The following PPM1B variants were observed in gnomAD, a reference collection of about 807,000 sequenced individuals.
PPM1B encodes the protein protein phosphatase, Mg2+/Mn2+ dependent 1B.
Under a neutral mutation model 43.0 loss-of-function variants are expected in PPM1B, and 22 were observed. The observed-to-expected ratio is 0.51, with a 90% CI of 0.37 to 0.73. The LOEUF is 0.73. Among genes scored for constraint, PPM1B ranks in the 30% least tolerant of loss-of-function variants. The pLI is 0.00. For missense variants in PPM1B, 632 were observed against 584.2 expected (o/e 1.08, Z -0.84); for synonymous variants, 217 against 197.9 (o/e 1.10, Z -0.81).
intron 1 of PPM1B, among the ~76,000 whole-genome samples, chr2:44,176,612 C>G (rs538467587): frequency 4.7e-4 from 72 of 152,274 alleles, no homozygotes; most frequent in South Asian, 2.1e-3. Context: ...TCTGTTCTTT[C>G]TATTGCTTTC....
Position 44,201,114 on chromosome 2 carries a change from A to T in PPM1B, c.-14-72A>T. On this transcript the variant is annotated intron_variant, in intron 1 of 5. Coordinates refer to ENST00000282412, the MANE Select transcript of PPM1B (RefSeq NM_002706.6). The surrounding 1 kb of genome is among the most constrained non-coding windows in gnomAD (Gnocchi z 5.4). ...AAATACTTGAGGTAGGAGTTACTAG[A>T]CTATAGAGGGAATATTGTACATACA... is the stretch of plus-strand genomic sequence containing the variant. 1 of 1,413,676 alleles carries T rather than the reference A, an allele frequency of 7.1e-7. No homozygotes were observed. The highest frequency in any genetic ancestry group is 9.5e-7 in the Non-Finnish European group (1 of 1,048,014). 87.6% of individuals were successfully genotyped at this position (1,413,676 alleles called of 1,614,324 possible). A position where few individuals can be genotyped will look rare whatever the true frequency, so the allele number is the denominator to read the frequency against.
At chr2:44,199,602 A>C (rs1668835234) in intron 1 of PPM1B, among the ~76,000 whole-genome samples, 1 of 152,232 alleles carries the variant, frequency 6.6e-6, no homozygotes, top group African/African-American at 2.4e-5. Context: ...ATAAAAATGT[A>C]CTTAGAACTA....
intron 5 of PPM1B, among the ~76,000 whole-genome samples, chr2:44,224,310 C>T (rs1670114272): frequency 6.6e-6 from 1 of 151,952 alleles, no homozygotes; most frequent in South Asian, 2.1e-4. Context: ...AAAAAATTAG[C>T]CGGGCGTGGT....
At chr2:44,172,872 G>C (rs970397106) in intron 1 of PPM1B, among the ~76,000 whole-genome samples, 2 of 152,190 alleles carry the variant, frequency 1.3e-5, no homozygotes, top group African/African-American at 4.8e-5. Context: ...GCACCAGTTT[G>C]CTCCAGCCTG....
intron 1 of PPM1B, among the ~76,000 whole-genome samples, chr2:44,198,265 A>G (rs994897552): frequency 2.0e-5 from 3 of 152,084 alleles, no homozygotes; most frequent in African/African-American, 4.8e-5. Flanking sequence ...GGTTCAAGCA[A>G]TTCTCCTGTC....
At chr2:44,178,599 G>T (rs1667708509) in intron 1 of PPM1B, among the ~76,000 whole-genome samples, 1 of 151,854 alleles carries the variant, frequency 6.6e-6, no homozygotes, top group Non-Finnish European at 1.5e-5. Flanking sequence ...TCCTGAAGTA[G>T]CTGGGATTAC....
intron 1 of PPM1B, among the ~76,000 whole-genome samples, chr2:44,193,582 T>C (rs896312543): frequency 3.5e-5 from 5 of 144,542 alleles, no homozygotes; most frequent in East Asian, 2.0e-4. Context: ...TTTCTTTTTT[T>C]TTTTTTTTTT....
At chr2:44,212,030 G>A (rs1162470150) in intron 3 of PPM1B, among the ~76,000 whole-genome samples, 15 of 152,130 alleles carry the variant, frequency 9.9e-5, no homozygotes, top group Non-Finnish European at 1.6e-4. Flanking sequence ...GATTACAGGC[G>A]TGAATCACCG....
intron 1 of PPM1B, among the ~76,000 whole-genome samples, chr2:44,173,607 A>G (rs1667450982): frequency 6.6e-6 from 1 of 152,192 alleles, no homozygotes; most frequent in African/African-American, 2.4e-5. Flanking sequence ...TCACATCTAC[A>G]ATATCTTGTT....
Position 44,230,414 on chromosome 2 carries a change from C to A in PPM1B, c.1136C>A (p.Ala379Asp), listed in dbSNP as rs1268109226. ...RLNPHRESDG[A>D]SDEAEESGSQ... ...TGGGGTCTTGAATCTTAAAAAAAGG[C>A]CTCCGATGAAGCAGAGGAAAGTGGA... The change falls in exon 6 of 6, where the codon GCC (alanine) becomes GAC (aspartate). Residue 379 changes from alanine (A) to aspartate (D), a missense_variant and splice_region_variant. Ala to Asp is a moderately radical substitution (Grantham distance 126). This residue lies in a region of PPM1B where 392 missense variants were observed against 302.7 expected (regional missense o/e 1.29). Transcript: ENST00000282412. 3 of 1,612,672 alleles carry A rather than the reference C, an allele frequency of 1.9e-6. No individual in the cohort carries two copies. Among genetic ancestry groups the A allele is most frequent in the African/African-American group, 2.7e-5 (2 of 74,864 alleles).
chr2:44,210,903 TGAGGTGCACGGCTCAC>T (rs1669432712), intron 3 of PPM1B, among the ~76,000 whole-genome samples: 1 of 152,094 alleles, frequency 6.6e-6, no homozygotes. Flanking sequence ...TTTGGGAGGC[TGAGGTGCACGGCTCAC>T]GAGGTCAAGA....
downstream of PPM1B, among the ~76,000 whole-genome samples, chr2:44,236,574 C>T (rs375355453): frequency 9.2e-5 from 14 of 151,882 alleles, no homozygotes; most frequent in East Asian, 9.7e-4. Context: ...TCATATTAGC[C>T]GTATATTTGA....
At chr2:44,199,176 T>C (rs962071797) in intron 1 of PPM1B, among the ~76,000 whole-genome samples, 7 of 150,494 alleles carry the variant, frequency 4.7e-5, no homozygotes, top group African/African-American at 1.7e-4. Flanking sequence ...GAGAGTGGTG[T>C]GAACCTGGGA....
intron 1 of PPM1B, among the ~76,000 whole-genome samples, chr2:44,176,027 A>G (rs765083342): frequency 8.5e-5 from 13 of 152,048 alleles, no homozygotes; most frequent in Non-Finnish European, 1.8e-4. Context: ...CTCATGATCC[A>G]CCTGCCTCGG....
intron 1 of PPM1B, among the ~76,000 whole-genome samples, chr2:44,170,448 C>T (rs1009735740): frequency 1.3e-5 from 2 of 152,174 alleles, no homozygotes; most frequent in Admixed American, 1.3e-4. Context: ...TGTTAACAAA[C>T]GTTTACAACT....
intron 2 of PPM1B, among the ~76,000 whole-genome samples, chr2:44,205,348 GGTGTGGGT>G (rs879282090): frequency 6.2e-4 from 58 of 93,964 alleles, no homozygotes; most frequent in South Asian, 7.2e-4. Context: ...TGTGGGTGTG[GGTGTGGGT>G]GTGTGTGTGT....
chr2:44,217,642 C>T (rs1203561188), intron 3 of PPM1B, among the ~76,000 whole-genome samples: 1 of 152,080 alleles, frequency 6.6e-6, no homozygotes, highest in Non-Finnish European at 1.5e-5. Flanking sequence ...GATTATAAAC[C>T]ATTTCACTCA....
intron 1 of PPM1B, among the ~76,000 whole-genome samples, chr2:44,193,566 A>AT (rs1308849270): frequency 2.1e-5 from 3 of 140,742 alleles, no homozygotes; most frequent in Non-Finnish European, 3.1e-5. Context: ...GCTAATTAAA[A>AT]TTTTTTTTCT....
At chr2:44,233,149 G>A (rs769288755), downstream of PPM1B, 5 of 969,420 alleles carry the variant, frequency 5.2e-6, no homozygotes, top group Non-Finnish European at 6.1e-6. Context: ...TGTTTTACAT[G>A]TGGGTTTCTA....
Sources: allele counts gnomAD v4.1 joint callset (sites outside exome capture counted in the v4.1 genomes callset), GRCh38; gene constraint gnomAD v4.1.1; regional missense constraint gnomAD v4.1.1; non-coding constraint Gnocchi (gnomAD v3.1); transcripts MANE v1.5; gene names NCBI Gene and HGNC (gene_info 2026-07-23, HGNC 2026-07-21).